CABP1: variants seen among roughly 807,000 people sequenced by gnomAD.
CABP1 encodes calcium-binding protein 1.
CABP1 carries 17 observed loss-of-function variants against 34.3 expected under a neutral mutation model. The observed-to-expected ratio is 0.50, with a 90% CI of 0.34 to 0.74. The LOEUF is 0.74. Ranked by LOEUF, CABP1 falls within the 30% of genes least tolerant of loss-of-function variation. The pLI, the probability that CABP1 is intolerant of heterozygous loss-of-function variation, is 0.01. For missense variants in CABP1, 373 were observed against 511.1 expected, an observed-to-expected ratio of 0.73 and a Z score of 2.61; for synonymous variants, 198 against 229.2, an observed-to-expected ratio of 0.86 and a Z score of 1.23.
the CABP1 span, among the ~76,000 whole-genome samples, chr12:120,676,835 G>C: frequency 1.3e-5 from 2 of 152,318 alleles, no homozygotes; most frequent in Admixed American, 6.5e-5. Context: ...GAGAAGGAAT[G>C]TGACTTGCCA....
downstream of CABP1, among the ~76,000 whole-genome samples, chr12:120,668,788 C>T (rs1402069033): frequency 2.6e-5 from 4 of 152,296 alleles, no homozygotes; most frequent in African/African-American, 9.6e-5. Context: ...TAGAAGTTGT[C>T]GAGTCTTAGA....
At chr12:120,644,915 G>C (rs141420830) in intron 1 of CABP1, among the ~76,000 whole-genome samples, 66 of 152,204 alleles carry the variant, frequency 4.3e-4, no homozygotes, top group African/African-American at 1.5e-3. Context: ...AGCCATTCAC[G>C]TGCTTCAGCC....
chr12:120,641,573 T>G lies in CABP1; in HGVS notation c.654+234T>G. 2.6e-6 allele frequency: 1 copy of G among 389,780 alleles called. No individual in the cohort carries two copies. The allele number at this position is 389,780 out of a possible 1,614,324, so 24.1% of individuals were successfully genotyped here. ...CCTCTTGGGGCAAGGCCCTCCCCGC[T>G]AGCCTCCCTCATACCCGCCAGAACC... On this transcript the variant is annotated intron_variant, in intron 1 of 5. Coordinates refer to ENST00000316803, the MANE Select transcript of CABP1 (RefSeq NM_001033677.2). The surrounding 1 kb of genome is among the most constrained non-coding windows in gnomAD (Gnocchi z 6.7).
chr12:120,656,268 A>C, intron 1 of CABP1: 1 of 1,551,304 alleles, frequency 6.4e-7, no homozygotes, highest in Admixed American at 1.9e-5. Context: ...GAGAACAGGC[A>C]GCCTGTACGT....
rs1404548592 is a variant in CABP1, at chr12:120,660,471, C to T, written c.829+132C>T. On this transcript the variant is annotated intron_variant, in intron 3 of 5. Transcript: ENST00000316803. The surrounding 1 kb of genome is among the most constrained non-coding windows in gnomAD (Gnocchi z 5.0). ...TGTGATCTGGGGCCAACCACTTACCCTCTCTGAGCCTCAGTTTCCTCACCT... is the reference window on the plus strand; with the variant it reads ...TGTGATCTGGGGCCAACCACTTACCTTCTCTGAGCCTCAGTTTCCTCACCT... The T allele has an allele frequency of 1.0e-6, 1 of 999,918 alleles. No individual in the cohort carries two copies. The highest frequency in any genetic ancestry group is 2.6e-5 in the East Asian group (1 of 38,526). 61.9% of individuals were successfully genotyped at this position (999,918 alleles called of 1,614,324 possible). A position where few individuals can be genotyped will look rare whatever the true frequency, so the allele number is the denominator to read the frequency against.
chr12:120,650,382 A>C, intron 1 of CABP1: 1 of 1,019,524 alleles, frequency 9.8e-7, no homozygotes, highest in Non-Finnish European at 1.4e-6. Flanking sequence ...CATCTCCTTA[A>C]GAAAGTGCCC....
intron 5 of CABP1, among the ~76,000 whole-genome samples, chr12:120,665,130 A>G (rs754459079): frequency 1.3e-5 from 2 of 152,046 alleles, no homozygotes; most frequent in Non-Finnish European, 2.9e-5. Flanking sequence ...CAGTGAAACT[A>G]TTCTGTATGA....
Position 120,641,746 on chromosome 12 carries a change from G to C in CABP1, c.654+407G>C, listed in dbSNP as rs908385364. ...AGGGACTCAGGAGAGCAAGCGGTTTGGAGTCTGGGGGTCAAGAGAGGGGAC... is the reference window on the plus strand; with the variant it reads ...AGGGACTCAGGAGAGCAAGCGGTTTCGAGTCTGGGGGTCAAGAGAGGGGAC... On this transcript the variant is annotated intron_variant, in intron 1 of 5. Coordinates refer to ENST00000316803, the MANE Select transcript of CABP1 (RefSeq NM_001033677.2). This position sits in a 1 kb window ranked among gnomAD's most constrained non-coding sequence, Gnocchi z 6.7. Among the ~76,000 whole-genome samples the C allele has an allele frequency of 6.6e-6, 1 of 152,264 alleles. No individual in the cohort carries two copies. The highest frequency in any genetic ancestry group is 1.5e-5 in the Non-Finnish European group (1 of 68,050).
rs1477281766 is a variant in CABP1, at chr12:120,667,045, C to T, written c.*145C>T. 9.8e-6 allele frequency: 9 copies of T among 920,000 alleles called. No homozygotes were observed. Among genetic ancestry groups the T allele is most frequent in the Non-Finnish European group, 1.5e-5 (9 of 597,880 alleles). The allele number at this position is 920,000 out of a possible 1,614,324, so 57.0% of individuals were successfully genotyped here. ...CTGCACCCCGGGGAGGCGCCCACCC[C>T]GGACCCCCACCCCTCCGCACTGTGA... On this transcript the variant is annotated 3_prime_UTR_variant, in exon 6 of 6. Coordinates refer to ENST00000316803, the MANE Select transcript of CABP1 (RefSeq NM_001033677.2).
rs978545755 is a variant in CABP1, at chr12:120,660,933, A to G, written c.939+93A>G. 9 of 1,382,778 alleles carry G rather than the reference A, an allele frequency of 6.5e-6. No individual in the cohort carries two copies. The African/African-American group carries it at 1.3e-4, about 20-fold the overall frequency. The allele number at this position is 1,382,778 out of a possible 1,614,324, so 85.7% of individuals were successfully genotyped here. On this transcript the variant is annotated intron_variant, in intron 4 of 5. Coordinates refer to ENST00000316803, the MANE Select transcript of CABP1 (RefSeq NM_001033677.2). The surrounding 1 kb of genome is among the most constrained non-coding windows in gnomAD (Gnocchi z 5.0). ...AAGAAGCCTGAGCCTCAAGTCCCAG[A>G]TCAGGGGAGGGAGCTTGGACAGAGA...
chr12:120,648,431 A>C (rs513175), intron 1 of CABP1, among the ~76,000 whole-genome samples: 47,608 of 152,118 alleles, frequency 0.31, 8,450 homozygotes, highest in East Asian at 0.42. Flanking sequence ...TCCACTGGAC[A>C]AGTGATACTT....
At chr12:120,642,131 G>A (rs971450788) in intron 1 of CABP1, among the ~76,000 whole-genome samples, 36 of 152,172 alleles carry the variant, frequency 2.4e-4, no homozygotes, top group African/African-American at 8.0e-4. Context: ...AACAGGCTCA[G>A]TAGAAGGAAA....
At chr12:120,668,180 T>C (rs73222802), downstream of CABP1, among the ~76,000 whole-genome samples, 9,838 of 148,588 alleles carry the variant, frequency 0.066, 375 homozygotes, top group Admixed American at 0.13. Flanking sequence ...AGTCCCAGTG[T>C]GTGCGGACAG....
chr12:120,656,400 C>T, intron 1 of CABP1: 4 of 824,374 alleles, frequency 4.9e-6, no homozygotes, highest in Non-Finnish European at 5.4e-6. Flanking sequence ...CAAAGTTTTC[C>T]ACTCATGGCT....
chr12:120,654,637 C>CCAGGCCGAAGGCAGAGTA (rs1565997332), intron 1 of CABP1, among the ~76,000 whole-genome samples: 5 of 146,502 alleles, frequency 3.4e-5, no homozygotes, highest in African/African-American at 1.3e-4. Flanking sequence ...TATGTAAGCT[C>CCAGGCCGAAGGCAGAGTA]CAGGCCGAAG....
chr12:120,651,081 T>C (rs1179571851), intron 1 of CABP1, among the ~76,000 whole-genome samples: 1 of 152,190 alleles, frequency 6.6e-6, no homozygotes, highest in Non-Finnish European at 1.5e-5. Flanking sequence ...GGGCAGGGAC[T>C]CGTTCATATC....
At chr12:120,642,508 G>A (rs1172652196) in intron 1 of CABP1, among the ~76,000 whole-genome samples, 7 of 152,250 alleles carry the variant, frequency 4.6e-5, no homozygotes, top group Non-Finnish European at 1.0e-4. Flanking sequence ...GTTGCGTGGT[G>A]CTGCTGTGGT....
chr12:120,653,115 T>C (rs574146460), intron 1 of CABP1, among the ~76,000 whole-genome samples: 28 of 152,274 alleles, frequency 1.8e-4, no homozygotes, highest in African/African-American at 6.3e-4. Context: ...AGCAAATTCC[T>C]CTCCATCCTT....
Position 120,641,115 on chromosome 12 carries a change from A to C in CABP1, c.430A>C (p.Arg144=), listed in dbSNP as rs1421125079. 8 of 1,223,816 alleles carry C rather than the reference A, an allele frequency of 6.5e-6. No homozygotes were observed. The highest frequency in any genetic ancestry group is 1.0e-6 in the Non-Finnish European group (1 of 984,394). 75.8% of individuals were successfully genotyped at this position (1,223,816 alleles called of 1,614,324 possible). ...GCGTGTGCTCCCCCAGGCGCACTGC[A>C]GGCCCCGGGAGGCGCTGCCGGCCGC... ...SQRVLPQAHC[R]PREALPAAAS... Residue 144 remains arginine (R), a synonymous_variant, in exon 1 of 6, where the codon AGG becomes CGG. Coordinates refer to ENST00000316803, the MANE Select transcript of CABP1 (RefSeq NM_001033677.2). This position sits in a 1 kb window ranked among gnomAD's most constrained non-coding sequence, Gnocchi z 6.7.
Sources: gnomAD v4.1 joint callset for allele counts (sites outside exome capture counted in the v4.1 genomes callset) on GRCh38, gnomAD v4.1.1 for gene constraint, Gnocchi (gnomAD v3.1) non-coding constraint, MANE v1.5 for transcripts, NCBI Gene and HGNC (gene_info 2026-07-23, HGNC 2026-07-21) for gene names.